FRRS1: variants seen among roughly 807,000 people sequenced by gnomAD.
FRRS1 encodes ferric reductase 1.
A neutral mutation model predicts 70.7 loss-of-function variants in FRRS1; 51 were observed. The observed-to-expected ratio is 0.72, with a 90% confidence interval of 0.58 to 0.91. The LOEUF (loss-of-function observed/expected upper bound fraction) is 0.91. Among genes scored for constraint, FRRS1 ranks in the 40% least tolerant of loss-of-function variants. The pLI is 0.00. For synonymous variants in FRRS1, 225 were observed against 238.7 expected (o/e 0.94, Z 0.53); for missense variants, 672 against 726.0 (o/e 0.93, Z 0.86).
At chr1:99,739,793 T>C (rs1453110785) in intron 6 of FRRS1, among the ~76,000 whole-genome samples, 1 of 152,166 alleles carries the variant, frequency 6.6e-6, no homozygotes, top group African/African-American at 2.4e-5. Flanking sequence ...GAAAATTAAG[T>C]AATTTGCCCA....
At chr1:99,750,706 G>T (rs1305850953) in intron 1 of FRRS1, among the ~76,000 whole-genome samples, 1 of 149,992 alleles carries the variant, frequency 6.7e-6, no homozygotes, top group African/African-American at 2.5e-5. Context: ...AAAGAGAACA[G>T]ATCCAAGAAC....
intron 9 of FRRS1, among the ~76,000 whole-genome samples, chr1:99,727,582 G>A (rs1162757565): frequency 6.6e-6 from 1 of 152,192 alleles, no homozygotes; most frequent in Non-Finnish European, 1.5e-5. Flanking sequence ...TAAAACACAT[G>A]ATAGAATTGT....
At chr1:99,737,165 G>A (rs1199912559) in intron 7 of FRRS1, among the ~76,000 whole-genome samples, 2 of 152,084 alleles carry the variant, frequency 1.3e-5, no homozygotes, top group South Asian at 4.1e-4. Context: ...CCCTAGGAAA[G>A]CGAGATGTTT....
intron 9 of FRRS1, among the ~76,000 whole-genome samples, chr1:99,722,963 A>C (rs1654907284): frequency 6.6e-6 from 1 of 152,248 alleles, no homozygotes; most frequent in Non-Finnish European, 1.5e-5. Context: ...TAAAATTTAA[A>C]TAAATATTCA....
intron 1 of FRRS1, chr1:99,765,838 G>A (rs1657329886): frequency 6.6e-6 from 1 of 152,360 alleles, no homozygotes; most frequent in African/African-American, 2.4e-5. Flanking sequence ...CCGGGAGGCG[G>A]AGCTTGCAGT....
intron 1 of FRRS1, among the ~76,000 whole-genome samples, chr1:99,759,909 C>A (rs1188781587): frequency 6.6e-6 from 1 of 152,174 alleles, no homozygotes; most frequent in Non-Finnish European, 1.5e-5. Context: ...TAGCCATGTT[C>A]TTTTCACTGT....
intron 11 of FRRS1, among the ~76,000 whole-genome samples, chr1:99,715,928 G>T (rs983888099): frequency 1.3e-5 from 2 of 152,096 alleles, no homozygotes; most frequent in East Asian, 3.8e-4. Context: ...GCACAGAGCA[G>T]CAGGAATGGA....
At chr1:99,752,086 G>C (rs568545331) in intron 1 of FRRS1, among the ~76,000 whole-genome samples, 36 of 152,252 alleles carry the variant, frequency 2.4e-4, no homozygotes, top group Admixed American at 8.5e-4. Context: ...TTAGACTTTG[G>C]CTTAAGGAAA....
At chr1:99,738,848 A>G (rs1655809572) in intron 6 of FRRS1, among the ~76,000 whole-genome samples, 1 of 152,178 alleles carries the variant, frequency 6.6e-6, no homozygotes, top group South Asian at 2.1e-4. Context: ...AACCATAGTG[A>G]TTTATTGGGG....
rs1427343196 is a variant in FRRS1 at position 99,715,602 on chromosome 1, C to T, written c.1307G>A (p.Arg436Lys). 1.2e-6 allele frequency: 2 copies of T among 1,610,174 alleles called. No homozygotes were observed. Among genetic ancestry groups the T allele is most frequent in the Admixed American group, 3.3e-5 (2 of 59,974 alleles). The change falls in exon 12 of 17, where the codon AGG becomes AAG. Residue 436 changes from arginine to lysine, a missense_variant. Arg to Lys is a conservative substitution (Grantham distance 26). Transcript: ENST00000646001. Reference protein sequence around the residue: ...CIAFVMPFIYRGGWSRHAGYH... With the variant: ...CIAFVMPFIYKGGWSRHAGYH... ...TATACTTACCCTACTCCAGCCTCCC[C>T]TGTATATAAACGGCATAACAAAAGC...
intron 12 of FRRS1, among the ~76,000 whole-genome samples, chr1:99,713,225 T>C (rs911232588): frequency 3.3e-5 from 5 of 152,318 alleles, no homozygotes; most frequent in South Asian, 4.1e-4. Flanking sequence ...CTGAGGGTCA[T>C]AGTTAAATAA....
intron 1 of FRRS1, among the ~76,000 whole-genome samples, chr1:99,759,206 C>G (rs1329515279): frequency 6.6e-6 from 1 of 152,116 alleles, no homozygotes. Flanking sequence ...TTCTTACACC[C>G]CCTCCCCTTT....
At chr1:99,723,483 T>C (rs1654936758) in intron 9 of FRRS1, among the ~76,000 whole-genome samples, 1 of 151,830 alleles carries the variant, frequency 6.6e-6, no homozygotes. Context: ...ACCACTGCAC[T>C]CCAGCCTGGG....
In FRRS1 at chr1:99,712,469, G is replaced by A. The variant is rs776716450; in HGVS notation, c.1370C>T (p.Ala457Val). 2.5e-6 allele frequency: 4 copies of A among 1,613,282 alleles called. No homozygotes were observed. Among genetic ancestry groups the A allele is most frequent in the East Asian group, 4.5e-5 (2 of 44,846 alleles). ...PYLGCIVMTL[A>V]VLQPLLAVFR... Reference sequence around the variant, plus strand: ...GACTGCCAGAAGAGGCTGAAGAACTGCCAAAGTCATCACTATACAGCCGAG... The same window carrying A: ...GACTGCCAGAAGAGGCTGAAGAACTACCAAAGTCATCACTATACAGCCGAG... Residue 457 changes from alanine (A) to valine (V), a missense_variant, in exon 13 of 17, where the codon GCA becomes GTA. Ala to Val is a moderately conservative substitution (Grantham distance 64). Coordinates refer to ENST00000646001, the MANE Select transcript of FRRS1 (RefSeq NM_001361041.2).
chr1:99,753,025 C>T (rs1171394868), intron 1 of FRRS1, among the ~76,000 whole-genome samples: 1 of 152,020 alleles, frequency 6.6e-6, no homozygotes, highest in Non-Finnish European at 1.5e-5. Context: ...CCAGCCTGGG[C>T]AACATGGTGA....
At chr1:99,739,590 C>A (rs1230363157) in intron 6 of FRRS1, among the ~76,000 whole-genome samples, 1 of 152,066 alleles carries the variant, frequency 6.6e-6, no homozygotes, top group Non-Finnish European at 1.5e-5. Context: ...ATTACTTTGT[C>A]TTCTCTATGT....
chr1:99,719,423 A>AC, intron 10 of FRRS1, 111 bp downstream of exon 10: 1 of 645,988 alleles, frequency 1.5e-6, no homozygotes, highest in East Asian at 3.0e-5. Flanking sequence ...AAAAAAAAAA[A>AC]AAAATGCTTT....
chr1:99,711,969 C>T (rs968623469), intron 14 of FRRS1, 136 bp downstream of exon 14: 6 of 615,546 alleles, frequency 9.7e-6, no homozygotes, highest in East Asian at 2.8e-5. Flanking sequence ...TGGATTTCAA[C>T]GTTTAAGGCT....
intron 7 of FRRS1, among the ~76,000 whole-genome samples, chr1:99,732,152 C>T (rs1278233089): frequency 6.6e-6 from 1 of 152,162 alleles, no homozygotes; most frequent in African/African-American, 2.4e-5. Context: ...TGGGGATAGA[C>T]AGCAGGTAAC....
Sources: gnomAD v4.1 joint callset for allele counts (sites outside exome capture counted in the v4.1 genomes callset) on GRCh38, gnomAD v4.1.1 for gene constraint, MANE v1.5 for transcripts, NCBI Gene and HGNC (gene_info 2026-07-23, HGNC 2026-07-21) for gene names.